Variants in SLC25A26 observed in about 807,000 individuals in gnomAD.
SLC25A26 encodes mitochondrial S-adenosylmethionine carrier protein.
A neutral mutation model predicts 37.8 loss-of-function variants in SLC25A26; 36 were observed. That is an observed-to-expected ratio of 0.95 (90% CI 0.73 to 1.26). SLC25A26 has a LOEUF of 1.26. SLC25A26 is among the 50% of genes most tolerant of loss of function. The probability of loss-of-function intolerance (pLI) is 0.00; values close to 1 mark genes in which losing one functional copy is unlikely to be tolerated. For missense variants in SLC25A26, 390 were observed against 331.1 expected (o/e 1.18, Z -1.38); for synonymous variants, 129 against 122.5 (o/e 1.05, Z -0.35).
intron 5 of SLC25A26, among the ~76,000 whole-genome samples, chr3:66,327,260 G>A (rs936509185): frequency 2.0e-5 from 3 of 152,032 alleles, no homozygotes; most frequent in Admixed American, 6.6e-5. Flanking sequence ...AAGAAAGGCC[G>A]TTAATATTCT....
At chr3:66,137,222 T>C (rs1028299074) in intron 1 of SLC25A26, among the ~76,000 whole-genome samples, 48 of 148,748 alleles carry the variant, frequency 3.2e-4, no homozygotes, top group African/African-American at 4.7e-4. Context: ...TCTTTCTTTT[T>C]TTTTTTTTTT....
chr3:66,303,126 G>A (rs141053767), intron 5 of SLC25A26, among the ~76,000 whole-genome samples: 3 of 152,140 alleles, frequency 2.0e-5, no homozygotes, highest in African/African-American at 4.8e-5. Flanking sequence ...AGTTATCATG[G>A]TCTAGTCACT....
At chr3:66,176,701 T>A (rs1576613622) in intron 1 of SLC25A26, among the ~76,000 whole-genome samples, 1 of 152,202 alleles carries the variant, frequency 6.6e-6, no homozygotes, top group South Asian at 2.1e-4. Context: ...ACCTAACCAA[T>A]AACATAAAAG....
At chr3:66,285,307 G>A (rs1163335709) in intron 5 of SLC25A26, among the ~76,000 whole-genome samples, 7 of 151,686 alleles carry the variant, frequency 4.6e-5, no homozygotes, top group African/African-American at 1.7e-4. Flanking sequence ...TTTGTAACAA[G>A]CGAAGTAAGG....
intron 5 of SLC25A26, among the ~76,000 whole-genome samples, chr3:66,286,943 A>G (rs1036904157): frequency 1.3e-5 from 2 of 152,042 alleles, no homozygotes; most frequent in South Asian, 2.1e-4. Flanking sequence ...GATTACAGGC[A>G]TGAGCCACCG....
intron 1 of SLC25A26, among the ~76,000 whole-genome samples, chr3:66,173,413 C>T (rs1199579962): frequency 1.3e-5 from 2 of 152,140 alleles, no homozygotes; most frequent in Non-Finnish European, 2.9e-5. Context: ...TGGACAAGAC[C>T]TGACCACTAC....
In SLC25A26 at chr3:66,255,090, G is replaced by T. The variant is rs986533807; in HGVS notation, c.301-6961G>T. Among the ~76,000 whole-genome samples, 6 of 152,230 alleles carry T rather than the reference G, an allele frequency of 3.9e-5. No individual in the cohort carries two copies. The East Asian group carries it at 1.2e-3, about 29-fold the overall frequency. On this transcript the variant is annotated intron_variant, in intron 3 of 9. Transcript: ENST00000354883. ...ACCTAAAGTGAGGCCGAAGTTCACT[G>T]GAATTTTTTCCCTTTCAAATGTTTA...
At chr3:66,201,745 T>A (rs1466102857) in intron 1 of SLC25A26, among the ~76,000 whole-genome samples, 1 of 152,230 alleles carries the variant, frequency 6.6e-6, no homozygotes, top group African/African-American at 2.4e-5. Context: ...AAGGAATTGA[T>A]GTTGCTGAGA....
intron 5 of SLC25A26, among the ~76,000 whole-genome samples, chr3:66,343,985 G>A (rs1400938066): frequency 6.6e-6 from 1 of 152,122 alleles, no homozygotes; most frequent in Non-Finnish European, 1.5e-5. Flanking sequence ...GGGGGGGCTG[G>A]CTGCCTGTTT....
chr3:66,161,616 C>T (rs1048994660), intron 1 of SLC25A26, among the ~76,000 whole-genome samples: 8 of 152,144 alleles, frequency 5.3e-5, no homozygotes, highest in African/African-American at 1.7e-4. Flanking sequence ...TAGGAAAATG[C>T]GACTCCAAAT....
At chr3:66,235,611 C>G (rs1292981445) in intron 1 of SLC25A26, among the ~76,000 whole-genome samples, 3 of 152,040 alleles carry the variant, frequency 2.0e-5, no homozygotes, top group Non-Finnish European at 2.9e-5. Flanking sequence ...TTTCAAAATT[C>G]CAGTCTGAAA....
At chr3:66,155,745 G>A (rs1177009845) in intron 1 of SLC25A26, among the ~76,000 whole-genome samples, 3 of 152,116 alleles carry the variant, frequency 2.0e-5, no homozygotes, top group Non-Finnish European at 4.4e-5. Flanking sequence ...TGAAAAACCA[G>A]CACACTCAAA....
At chr3:66,298,173 A>C (rs1320759137) in intron 5 of SLC25A26, among the ~76,000 whole-genome samples, 2 of 152,342 alleles carry the variant, frequency 1.3e-5, no homozygotes, top group East Asian at 1.9e-4. Context: ...AAGTGTGAGA[A>C]CCACTGGACT....
intron 5 of SLC25A26, among the ~76,000 whole-genome samples, chr3:66,266,901 G>C (rs1559634668): frequency 6.6e-6 from 1 of 152,182 alleles, no homozygotes; most frequent in African/African-American, 2.4e-5. Flanking sequence ...TCTTGGATGT[G>C]AATTAGAAGG....
rs571115087 is a variant in SLC25A26 at position 66,263,571 on chromosome 3, C to T, written c.453+192C>T. On this transcript the variant is annotated intron_variant, in intron 5 of 9. Coordinates refer to ENST00000354883, the MANE Select transcript of SLC25A26 (RefSeq NM_001379210.1). ...AAAAGAATGAGTAGAATGGGTTTGC[C>T]GGAAGAGCAATTTCAGTGGTCAGAA... is the stretch of plus-strand genomic sequence containing the variant. Among the ~76,000 whole-genome samples, 19 of 152,210 alleles carry T rather than the reference C, an allele frequency of 1.2e-4. No individual in the cohort carries two copies. The South Asian group carries it at 2.9e-3, about 23-fold the overall frequency.
At chr3:66,151,165 G>C (rs549172642) in intron 1 of SLC25A26, among the ~76,000 whole-genome samples, 3 of 152,262 alleles carry the variant, frequency 2.0e-5, no homozygotes, top group Admixed American at 6.5e-5. Context: ...GCTGAGTGCA[G>C]AGTGATGACG....
chr3:66,335,930 T>A (rs2076085009), intron 5 of SLC25A26, among the ~76,000 whole-genome samples: 1 of 151,814 alleles, frequency 6.6e-6, no homozygotes, highest in Admixed American at 6.6e-5. Context: ...GGAAGGAGAG[T>A]AGATGAGTAG....
chr3:66,356,727 C>G (rs937663614), intron 6 of SLC25A26, among the ~76,000 whole-genome samples: 6 of 152,176 alleles, frequency 3.9e-5, no homozygotes, highest in African/African-American at 1.4e-4. Context: ...CTCCCAGGCT[C>G]AAGCAATCCT....
intron 5 of SLC25A26, among the ~76,000 whole-genome samples, chr3:66,339,440 A>G (rs535980541): frequency 1.3e-5 from 2 of 152,106 alleles, no homozygotes; most frequent in Admixed American, 6.6e-5. Flanking sequence ...ATTTTTTTGA[A>G]GAAGAGCCAT....
Sources: allele counts gnomAD v4.1 joint callset (sites outside exome capture counted in the v4.1 genomes callset), GRCh38; gene constraint gnomAD v4.1.1; transcripts MANE v1.5; gene names NCBI Gene and HGNC (gene_info 2026-07-23, HGNC 2026-07-21).